FANCD2OS: variants seen among roughly 807,000 people sequenced by gnomAD.
The protein encoded by FANCD2OS is FANCD2 opposite strand, also known as FANCD2 opposite strand protein.
A neutral mutation model predicts 13.2 loss-of-function variants in FANCD2OS; 11 were observed. The observed-to-expected ratio is 0.83, with a 90% confidence interval of 0.52 to 1.38. The LOEUF is 1.38. FANCD2OS is among the 40% of genes most tolerant of loss of function. The probability of loss-of-function intolerance (pLI) is 0.00; values close to 1 mark genes in which losing one functional copy is unlikely to be tolerated. For synonymous variants in FANCD2OS, 69 were observed against 84.5 expected, an observed-to-expected ratio of 0.82 and a Z score of 1.01; for missense variants, 217 against 213.9, an observed-to-expected ratio of 1.01 and a Z score of -0.09.
chr3:10,088,886 G>A, intron 2 of FANCD2OS: 1 of 1,613,688 alleles, frequency 6.2e-7, no homozygotes, highest in African/African-American at 1.3e-5. Flanking sequence ...TGCTGGTGTT[G>A]GTGTCCCAGA....
Position 10,104,911 on chromosome 3 carries a change from A to G in FANCD2OS, c.-8-129T>C, listed in dbSNP as rs1031083786. ...CTATAGTTCCCATGAATAGATTCCA[A>G]CAGGTGTTAGGATATTAGTAATTAT... is the stretch of plus-strand genomic sequence containing the variant. On this transcript the variant is annotated intron_variant, in intron 1 of 1. Coordinates refer to ENST00000450660, the MANE Select transcript of FANCD2OS (RefSeq NM_001164839.2). 10 of 639,874 alleles carry G rather than the reference A, an allele frequency of 1.6e-5. No individual in the cohort carries two copies. The East Asian group carries it at 2.6e-4, about 17-fold the overall frequency. The allele number at this position is 639,874 out of a possible 1,614,324, so 39.6% of individuals were successfully genotyped here.
chr3:10,082,131 C>T (rs1304511596), intron 2 of FANCD2OS, among the ~76,000 whole-genome samples: 2 of 152,208 alleles, frequency 1.3e-5, no homozygotes, highest in African/African-American at 4.8e-5. Context: ...ATATGTCATC[C>T]CTAGCATGCT....
At chr3:10,096,216 C>A in intron 2 of FANCD2OS, 1 of 1,085,728 alleles carries the variant, frequency 9.2e-7, no homozygotes, top group Non-Finnish European at 1.4e-6. Flanking sequence ...ATACCGTTGG[C>A]CCATACTGGC....
At chr3:10,090,320 A>T in intron 2 of FANCD2OS, 2 of 1,613,060 alleles carry the variant, frequency 1.2e-6, no homozygotes, top group Non-Finnish European at 1.7e-6. Flanking sequence ...CTTCCGTGTG[A>T]TGATGGCTGA....
At chr3:10,088,706 G>A in intron 2 of FANCD2OS, 1 of 1,186,986 alleles carries the variant, frequency 8.4e-7, no homozygotes, top group South Asian at 1.2e-5. Flanking sequence ...AGATCCTCTG[G>A]TTCTGTTTTA....
At chr3:10,093,236 C>T (rs753657093) in intron 2 of FANCD2OS, 1 of 1,509,784 alleles carries the variant, frequency 6.6e-7, no homozygotes, top group Non-Finnish European at 9.2e-7. Context: ...GGCTGGAGTG[C>T]TCAAAGGAGC....
rs1241948434 is a variant in FANCD2OS at position 10,095,335 on chromosome 3, TGGG to T, written c.*43+8860_*43+8862del. 3.0e-5 allele frequency: 40 copies of T among 1,339,586 alleles called. No individual in the cohort carries two copies. The Middle Eastern group carries it at 5.9e-3, about 198-fold the overall frequency. The allele number at this position is 1,339,586 out of a possible 1,614,324, so 83.0% of individuals were successfully genotyped here. The stretch of plus-strand genomic sequence containing the variant: ...TGTTGGCTTAATCTGCAGTTGCTAT[TGGG>T]GGATCCATGGGCTACCATCCTTCTT... On this transcript the variant is annotated intron_variant, in intron 2 of 2. Transcript: ENST00000524279.
At chr3:10,093,588 A>G (rs1694779014) in intron 2 of FANCD2OS, among the ~76,000 whole-genome samples, 2 of 152,238 alleles carry the variant, frequency 1.3e-5, no homozygotes, top group South Asian at 4.1e-4. Flanking sequence ...TAGGAGCAGT[A>G]GTTACCTTCC....
chr3:10,084,443 C>G (rs546901131), intron 2 of FANCD2OS, among the ~76,000 whole-genome samples: 1 of 152,112 alleles, frequency 6.6e-6, no homozygotes, highest in Non-Finnish European at 1.5e-5. Context: ...GCATGTACCA[C>G]CATGCCCAGC....
intron 2 of FANCD2OS, among the ~76,000 whole-genome samples, chr3:10,090,935 T>G (rs1230325034): frequency 6.6e-6 from 1 of 151,902 alleles, no homozygotes; most frequent in Non-Finnish European, 1.5e-5. Context: ...TACTGCCCAG[T>G]TTGCCTCCTG....
At chr3:10,088,884 T>G in intron 2 of FANCD2OS, 1 of 1,614,112 alleles carries the variant, frequency 6.2e-7, no homozygotes, top group Non-Finnish European at 8.5e-7. Context: ...ATTGCTGGTG[T>G]TGGTGTCCCA....
chr3:10,102,379 G>A (rs559702915), downstream of FANCD2OS, among the ~76,000 whole-genome samples: 20 of 151,430 alleles, frequency 1.3e-4, 2 homozygotes, highest in South Asian at 1.9e-3. Context: ...TCCTGACCTC[G>A]TGATCTACCC....
intron 2 of FANCD2OS, chr3:10,092,172 C>T (rs2125086004): frequency 6.2e-7 from 1 of 1,609,878 alleles, no homozygotes; most frequent in South Asian, 1.1e-5. Context: ...ATATATTTGG[C>T]TGCCCCAGAT....
At position 10,105,805 on chromosome 3, in the gene FANCD2OS, T is replaced by TAG. The variant is rs1559415276; in HGVS notation, c.-8-1024_-8-1023insCT. On this transcript the variant is annotated intron_variant, in intron 1 of 1. Transcript: ENST00000450660. ...ATATATATATATATATATATATATA[T>TAG]ATATATATATATATATTTTGAGGTT... is the stretch of plus-strand genomic sequence containing the variant. Among the ~76,000 whole-genome samples the TAG allele has an allele frequency of 6.8e-5, 5 of 74,074 alleles. 1 individual carries two copies. The highest frequency in any genetic ancestry group is 3.8e-4 in the African/African-American group (5 of 13,242). 48.6% of individuals were successfully genotyped at this position (74,074 alleles called of 152,430 possible). A position where few individuals can be genotyped will look rare whatever the true frequency, so the allele number is the denominator to read the frequency against.
intron 2 of FANCD2OS, among the ~76,000 whole-genome samples, chr3:10,082,067 G>A (rs531990743): frequency 1.3e-5 from 2 of 152,180 alleles, no homozygotes; most frequent in South Asian, 2.1e-4. Flanking sequence ...AACTGCCTAC[G>A]CAACACCTCC....
downstream of FANCD2OS, among the ~76,000 whole-genome samples, chr3:10,098,520 A>C (rs1207783374): frequency 1.3e-5 from 2 of 152,188 alleles, no homozygotes; most frequent in Non-Finnish European, 2.9e-5. Context: ...TACTTATTGT[A>C]TCAGGGCCAC....
chr3:10,088,493 G>T, intron 2 of FANCD2OS: 2 of 1,613,056 alleles, frequency 1.2e-6, no homozygotes, highest in South Asian at 1.1e-5. Context: ...GCCAAGTGGG[G>T]ATAAAGAGAA....
At chr3:10,084,138 C>T (rs1254827707) in intron 2 of FANCD2OS, among the ~76,000 whole-genome samples, 2 of 151,662 alleles carry the variant, frequency 1.3e-5, no homozygotes, top group East Asian at 2.0e-4. Context: ...AGATTACATG[C>T]GCCTGCCACT....
At chr3:10,105,816 A>ATATATATT in intron 1 of FANCD2OS, among the ~76,000 whole-genome samples, 1 of 77,732 alleles carries the variant, frequency 1.3e-5, no homozygotes, top group Admixed American at 1.4e-4. Flanking sequence ...ATATATATAT[A>ATATATATT]TATATTTTGA....
Sources: gnomAD v4.1 joint callset for allele counts (sites outside exome capture counted in the v4.1 genomes callset) on GRCh38, gnomAD v4.1.1 for gene constraint, MANE v1.5 for transcripts, NCBI Gene and HGNC (gene_info 2026-07-23, HGNC 2026-07-21) for gene names.